Variants in ZC3H13 observed in about 807,000 individuals in gnomAD.
The protein encoded by ZC3H13 is zinc finger CCCH domain-containing protein 13.
A neutral mutation model predicts 204.1 loss-of-function variants in ZC3H13; 64 were observed. The observed-to-expected ratio is 0.31, with a 90% CI of 0.26 to 0.39. ZC3H13 has a LOEUF of 0.39. Among genes scored for constraint, ZC3H13 ranks in the 10% least tolerant of loss-of-function variants. ZC3H13 has a pLI of 1.00. For missense variants in ZC3H13, 1,833 were observed against 2,082.7 expected (o/e 0.88, Z 2.33); for synonymous variants, 667 against 693.7 (o/e 0.96, Z 0.60).
intron 4 of ZC3H13, among the ~76,000 whole-genome samples, chr13:46,036,859 T>C (rs990552516): frequency 6.6e-6 from 1 of 151,920 alleles, no homozygotes; most frequent in Non-Finnish European, 1.5e-5. Context: ...GCTGGGATTA[T>C]AGGCATGAGC....
In ZC3H13 at chr13:45,965,432, G is replaced by T; in HGVS notation, c.4322C>A (p.Ala1441Glu). The T allele has an allele frequency of 6.2e-7, 1 of 1,610,872 alleles. No homozygotes were observed. The highest frequency in any genetic ancestry group is 2.2e-5 in the East Asian group (1 of 44,702). The change falls in exon 16 of 19, where the codon GCA (alanine) becomes GAA (glutamate). Residue 1441 changes from alanine to glutamate, a missense_variant and splice_region_variant. Ala to Glu is a moderately radical substitution (Grantham distance 107). Transcript: ENST00000679008. ...NKSERTESLE[A>E]GDDESKLDDA... ...ATCTAACTTGGACTCGTCATCTCCT[G>T]CTAAATAGACAAATTAATTTCAGAT...
intron 11 of ZC3H13, among the ~76,000 whole-genome samples, chr13:45,977,749 T>C (rs1953182286): frequency 6.6e-6 from 1 of 152,120 alleles, no homozygotes; most frequent in Non-Finnish European, 1.5e-5. Context: ...ACAGTCTAAC[T>C]AATTGGTATC....
At chr13:45,962,439 G>A (rs1951757786) in intron 17 of ZC3H13, 1 of 985,056 alleles carries the variant, frequency 1.0e-6, no homozygotes, top group African/African-American at 1.7e-5. Flanking sequence ...AGGTGGGTAA[G>A]ATTTTAGGGG....
chr13:45,970,022 C>A, intron 13 of ZC3H13, 51 bp from the exon 14 acceptor site: 1 of 1,542,752 alleles, frequency 6.5e-7, no homozygotes, highest in South Asian at 1.3e-5. Context: ...GTAACCACTG[C>A]ATGGTACATA....
chr13:46,047,276 AT>A lies in ZC3H13; in HGVS notation c.-9-1761del, dbSNP rs548824689. Among the ~76,000 whole-genome samples the A allele has an allele frequency of 1.8e-3, 281 of 152,308 alleles. 1 individual carries two copies. The highest frequency in any genetic ancestry group is 0.01 in the Middle Eastern group (3 of 294). ...GGTGATTTTAAATTGGAAAATCTAT[AT>A]TTTTATCAATATAAAATGTAATAAT... On this transcript the variant is annotated intron_variant, in intron 1 of 18. Coordinates refer to ENST00000679008, the MANE Select transcript of ZC3H13 (RefSeq NM_001330564.2).
chr13:46,014,713 G>A (rs533927621), intron 5 of ZC3H13, among the ~76,000 whole-genome samples: 1 of 152,234 alleles, frequency 6.6e-6, no homozygotes, highest in African/African-American at 2.4e-5. Flanking sequence ...AATACACAGA[G>A]TAAAATATGA....
intron 10 of ZC3H13, among the ~76,000 whole-genome samples, chr13:45,982,012 GTAT>G (rs1015577905): frequency 4.7e-5 from 7 of 148,466 alleles, no homozygotes; most frequent in East Asian, 2.0e-4. Context: ...AAAACTTAAA[GTAT>G]AATAATAATA....
intron 9 of ZC3H13, among the ~76,000 whole-genome samples, chr13:45,987,828 T>C (rs548619017): frequency 6.6e-6 from 1 of 152,250 alleles, no homozygotes; most frequent in Middle Eastern, 3.4e-3. Context: ...ACAGACTTAT[T>C]AAGTTGAATC....
chr13:45,966,003 T>C (rs1376651650), intron 15 of ZC3H13, among the ~76,000 whole-genome samples: 1 of 152,180 alleles, frequency 6.6e-6, no homozygotes, highest in Non-Finnish European at 1.5e-5. Flanking sequence ...AATGATCTTC[T>C]TGCATTGATG....
chr13:46,031,895 C>T (rs1485691916), intron 4 of ZC3H13, among the ~76,000 whole-genome samples: 3 of 152,100 alleles, frequency 2.0e-5, no homozygotes, highest in Admixed American at 2.0e-4. Context: ...CATATTCTTA[C>T]CATATGATCC....
intron 9 of ZC3H13, among the ~76,000 whole-genome samples, chr13:45,988,321 G>A (rs2039703227): frequency 2.0e-5 from 3 of 152,120 alleles, no homozygotes; most frequent in South Asian, 4.2e-4. Flanking sequence ...ATGGTGGTGC[G>A]ATCTTGGCTC....
At chr13:46,011,698 A>G (rs571134118) in intron 5 of ZC3H13, 144 bp from the exon 6 acceptor site, 3 of 497,914 alleles carry the variant, frequency 6.0e-6, no homozygotes, top group Non-Finnish European at 9.6e-6. Context: ...AAGATAAAAG[A>G]AATAGATACC....
intron 1 of ZC3H13, chr13:46,052,039 T>TCTAACAGA (rs2044484070): frequency 6.7e-6 from 1 of 148,774 alleles, no homozygotes. Flanking sequence ...GATGTTTTTC[T>TCTAACAGA]CTAACAGATC....
chr13:45,958,648 G>GTTTTTTT (rs10539884), intron 18 of ZC3H13, among the ~76,000 whole-genome samples: 10 of 123,678 alleles, frequency 8.1e-5, no homozygotes, highest in Non-Finnish European at 1.5e-4. Flanking sequence ...AAAAATCCCA[G>GTTTTTTT]TTTTTTTTTT....
intron 12 of ZC3H13, among the ~76,000 whole-genome samples, chr13:45,972,467 G>A (rs1366472817): frequency 6.6e-6 from 1 of 152,034 alleles, no homozygotes; most frequent in Non-Finnish European, 1.5e-5. Context: ...GGGGAGTGAG[G>A]GATAAAAACG....
At chr13:46,014,098 T>C (rs1006852101) in intron 5 of ZC3H13, among the ~76,000 whole-genome samples, 67 of 152,326 alleles carry the variant, frequency 4.4e-4, no homozygotes, top group African/African-American at 1.5e-3. Context: ...TGTAAAATTA[T>C]TTGTCAATAT....
chr13:45,979,800 C>CT lies in ZC3H13; in HGVS notation c.1912+12dup. The CT allele has an allele frequency of 6.5e-7, 1 of 1,545,648 alleles. No individual in the cohort carries two copies. On this transcript the variant is annotated intron_variant, in intron 11 of 18. Transcript: ENST00000679008. ...ATATTGTTCACTATTTAATAAAATT[C>CT]TGTTTGACAAACCTCTCTCTCTGTT...
In ZC3H13 at chr13:45,969,405, T is replaced by C; in HGVS notation, c.3139A>G (p.Asn1047Asp). 1 of 1,614,108 alleles carries C rather than the reference T, an allele frequency of 6.2e-7. No individual in the cohort carries two copies. ...TTKEELVEMC[N>D]GKNGILEDSQ... ...TCCTCTAGAATACCATTCTTACCATTGCACATTTCAACCAATTCCTCTTTA... is the reference window on the plus strand; with the variant it reads ...TCCTCTAGAATACCATTCTTACCATCGCACATTTCAACCAATTCCTCTTTA... The change falls in exon 14 of 19, where the codon AAT becomes GAT. Residue 1047 changes from asparagine (N) to aspartate (D), a missense_variant. Around this residue, in one of 5 missense-constraint regions of ZC3H13, gnomAD observed 1,574 missense variants for 1,757.2 expected, o/e 0.90. Coordinates refer to ENST00000679008, the MANE Select transcript of ZC3H13 (RefSeq NM_001330564.2).
chr13:46,042,125 T>C (rs1304260930), intron 4 of ZC3H13, 39 bp downstream of exon 4: 2 of 1,463,334 alleles, frequency 1.4e-6, no homozygotes, highest in Non-Finnish European at 1.9e-6. Context: ...AACAAATCAC[T>C]ACTGAAGTTG....
Sources: allele counts gnomAD v4.1 joint callset (sites outside exome capture counted in the v4.1 genomes callset), GRCh38; gene constraint gnomAD v4.1.1; regional missense constraint gnomAD v4.1.1; transcripts MANE v1.5; gene names NCBI Gene and HGNC (gene_info 2026-07-23, HGNC 2026-07-21).